The following PAQR5 variants were observed in gnomAD, a reference collection of about 807,000 sequenced individuals.
The protein encoded by PAQR5 is membrane progestin receptor gamma.
A neutral mutation model predicts 34.5 loss-of-function variants in PAQR5; 20 were observed. The observed-to-expected ratio is 0.58, with a 90% confidence interval of 0.41 to 0.84. PAQR5 has a LOEUF of 0.84. Ranked by LOEUF, PAQR5 falls within the 40% of genes least tolerant of loss-of-function variation. The pLI, the probability that PAQR5 is intolerant of heterozygous loss-of-function variation, is 0.00. For synonymous variants in PAQR5, 131 were observed against 155.6 expected (o/e 0.84, Z 1.18); for missense variants, 378 against 412.7 (o/e 0.92, Z 0.73).
chr15:69,373,538 C>A (rs1002593425), intron 3 of PAQR5, among the ~76,000 whole-genome samples: 1 of 152,156 alleles, frequency 6.6e-6, no homozygotes, highest in South Asian at 2.1e-4. Context: ...TGCTGTAGAT[C>A]AATACGTCTA....
chr15:69,373,076 A>C (rs977296620), intron 3 of PAQR5, among the ~76,000 whole-genome samples: 2 of 151,998 alleles, frequency 1.3e-5, no homozygotes, highest in Admixed American at 1.3e-4. Context: ...CTCCATCTTC[A>C]CATCAGCAAT....
intron 6 of PAQR5, among the ~76,000 whole-genome samples, chr15:69,395,037 AGCCACAGCCAGATTTCTTC>A (rs1422030288): frequency 3.9e-5 from 6 of 152,232 alleles, no homozygotes; most frequent in Non-Finnish European, 8.8e-5. Context: ...GGCCTTCGCC[AGCCACAGCCAGATTTCTTC>A]GCGTGTAAGT....
chr15:69,386,734 T>G (rs1006874050), intron 5 of PAQR5, among the ~76,000 whole-genome samples: 2 of 151,612 alleles, frequency 1.3e-5, no homozygotes, highest in Non-Finnish European at 2.9e-5. Flanking sequence ...TCCCCAGAGA[T>G]CTCCTCCATG....
chr15:69,361,287 C>G (rs2055225179), intron 3 of PAQR5, among the ~76,000 whole-genome samples: 1 of 152,204 alleles, frequency 6.6e-6, no homozygotes, highest in East Asian at 1.9e-4. Flanking sequence ...CTACTATGTG[C>G]AAGGGATTCA....
chr15:69,399,346 C>T (rs1453158131), intron 7 of PAQR5, among the ~76,000 whole-genome samples: 1 of 152,240 alleles, frequency 6.6e-6, no homozygotes, highest in Non-Finnish European at 1.5e-5. Context: ...TTTCTTCTTC[C>T]TCCTCCTCAG....
intron 2 of PAQR5, among the ~76,000 whole-genome samples, chr15:69,353,745 C>A (rs998010324): frequency 6.6e-6 from 1 of 152,146 alleles, no homozygotes; most frequent in Non-Finnish European, 1.5e-5. Flanking sequence ...CCTAGTGACC[C>A]ACAAACAAAA....
intron 1 of PAQR5, among the ~76,000 whole-genome samples, chr15:69,308,721 G>A (rs1427088278): frequency 6.6e-6 from 1 of 152,148 alleles, no homozygotes; most frequent in African/African-American, 2.4e-5. Context: ...TTAGGATACA[G>A]CAGGGGTGGA....
chr15:69,325,384 C>G (rs1471917038), intron 1 of PAQR5, among the ~76,000 whole-genome samples: 2 of 152,132 alleles, frequency 1.3e-5, no homozygotes. Context: ...GAACGAGCAC[C>G]CACCTGGGCC....
At chr15:69,402,469 C>T (rs147194781) in intron 8 of PAQR5, among the ~76,000 whole-genome samples, 61 of 152,226 alleles carry the variant, frequency 4.0e-4, no homozygotes, top group African/African-American at 1.4e-3. Context: ...AGGCACGTGT[C>T]ACCATGCCCG....
Position 69,355,344 on chromosome 15 carries a change from TTTTCTTTC to T in PAQR5, c.-115-4584_-115-4577del, listed in dbSNP as rs202183150. Among the ~76,000 whole-genome samples, 27 of 56,218 alleles carry T rather than the reference TTTTCTTTC, an allele frequency of 4.8e-4. 1 individual carries two copies. The highest frequency in any genetic ancestry group is 3.6e-3 in the Admixed American group (19 of 5,218). 36.9% of individuals were successfully genotyped at this position (56,218 alleles called of 152,430 possible). A position where few individuals can be genotyped will look rare whatever the true frequency, so the allele number is the denominator to read the frequency against. On this transcript the variant is annotated intron_variant, in intron 2 of 8. Transcript: ENST00000395407. ...TCTTTCTTTCTTTCTTTCTTTCTTT[TTTTCTTTC>T]TTTCTTTCTTTCTTTCTTTCTTTCT...
At chr15:69,304,726 C>T (rs1042892361) in intron 1 of PAQR5, among the ~76,000 whole-genome samples, 1 of 152,188 alleles carries the variant, frequency 6.6e-6, no homozygotes, top group African/African-American at 2.4e-5. Flanking sequence ...TGCCTGGACA[C>T]ACCACAGCCC....
At chr15:69,311,773 A>G (rs2053839301) in intron 1 of PAQR5, among the ~76,000 whole-genome samples, 1 of 152,216 alleles carries the variant, frequency 6.6e-6, no homozygotes, top group South Asian at 2.1e-4. Context: ...CTGCAGCCAC[A>G]CACTGGGTTT....
chr15:69,315,177 A>T (rs28371979), intron 1 of PAQR5, among the ~76,000 whole-genome samples: 8,305 of 151,768 alleles, frequency 0.055, 734 homozygotes, highest in African/African-American at 0.19. Flanking sequence ...TTCCCCACAG[A>T]CTGTTTATGG....
chr15:69,340,817 AG>A (rs2054621258), intron 2 of PAQR5, among the ~76,000 whole-genome samples: 1 of 152,214 alleles, frequency 6.6e-6, no homozygotes, highest in African/African-American at 2.4e-5. Context: ...AATAGGAAGA[AG>A]GGTGGATTGA....
chr15:69,331,941 C>T (rs755823077), intron 1 of PAQR5, among the ~76,000 whole-genome samples: 1 of 152,090 alleles, frequency 6.6e-6, no homozygotes, highest in African/African-American at 2.4e-5. Context: ...GTGGCTTGAA[C>T]CTCACAGCTA....
chr15:69,382,659 C>CATAT (rs59064870), intron 4 of PAQR5, among the ~76,000 whole-genome samples: 6 of 91,256 alleles, frequency 6.6e-5, no homozygotes, highest in African/African-American at 2.0e-4. Flanking sequence ...AAAAAAAAAG[C>CATAT]ATATATATAT....
At position 69,333,149 on chromosome 15, in the gene PAQR5, A is replaced by C. The variant is rs2054426807; in HGVS notation, c.-276-4192A>C. Among the ~76,000 whole-genome samples, 3 of 152,012 alleles carry C rather than the reference A, an allele frequency of 2.0e-5. No individual in the cohort carries two copies. The South Asian group carries it at 6.2e-4, about 32-fold the overall frequency. The stretch of plus-strand genomic sequence containing the variant: ...TTTTCCATTTTTTTTTATCTTGCCA[A>C]TCTTAATACACACATGAGAGGCCCT... On this transcript the variant is annotated intron_variant, in intron 1 of 8. Transcript: ENST00000395407.
chr15:69,380,246 C>A, intron 4 of PAQR5: 1 of 480,322 alleles, frequency 2.1e-6, no homozygotes, highest in Non-Finnish European at 3.7e-6. Flanking sequence ...CCCAAAAGTG[C>A]CTCAGTCCTT....
At chr15:69,366,139 A>G (rs1174611006) in intron 3 of PAQR5, among the ~76,000 whole-genome samples, 2 of 152,152 alleles carry the variant, frequency 1.3e-5, no homozygotes, top group East Asian at 3.8e-4. Flanking sequence ...CCTGGCAACC[A>G]CCTAACCTAC....
Sources: gnomAD v4.1 joint callset for allele counts (sites outside exome capture counted in the v4.1 genomes callset) on GRCh38, gnomAD v4.1.1 for gene constraint, MANE v1.5 for transcripts, NCBI Gene and HGNC (gene_info 2026-07-23, HGNC 2026-07-21) for gene names.